SETBP1: variants seen among roughly 807,000 people sequenced by gnomAD.
SETBP1 encodes the protein SET binding protein 1.
Under a neutral mutation model 101.0 loss-of-function variants are expected in SETBP1, and 9 were observed. That is an observed-to-expected ratio of 0.09 (90% confidence interval 0.05 to 0.16). SETBP1 has a LOEUF of 0.16. SETBP1 is among the 10% of genes least tolerant of loss of function. The pLI, the probability that SETBP1 is intolerant of heterozygous loss-of-function variation, is 1.00. For synonymous variants in SETBP1, 818 were observed against 788.5 expected, an observed-to-expected ratio of 1.04 and a Z score of -0.63; for missense variants, 1,858 against 2,033.8, an observed-to-expected ratio of 0.91 and a Z score of 1.66.
chr18:45,043,112 A>C (rs1310566583), intron 5 of SETBP1, among the ~76,000 whole-genome samples: 1 of 152,158 alleles, frequency 6.6e-6, no homozygotes, highest in Non-Finnish European at 1.5e-5. Flanking sequence ...AGCCAGGCTG[A>C]TTTTTCTGAT....
chr18:44,760,408 G>A (rs993191224), intron 2 of SETBP1, among the ~76,000 whole-genome samples: 1 of 152,146 alleles, frequency 6.6e-6, no homozygotes, highest in Non-Finnish European at 1.5e-5. Context: ...TTCTGCCTTG[G>A]TTACCCAAGA....
intron 3 of SETBP1, among the ~76,000 whole-genome samples, chr18:44,925,844 A>G (rs941360660): frequency 6.6e-6 from 1 of 152,238 alleles, no homozygotes; most frequent in Admixed American, 6.5e-5. Flanking sequence ...CGGGTGATCA[A>G]TTCTTTATTA....
chr18:44,753,406 A>G (rs2070429658), intron 2 of SETBP1, among the ~76,000 whole-genome samples: 1 of 152,254 alleles, frequency 6.6e-6, no homozygotes, highest in African/African-American at 2.4e-5. Context: ...TGTCCTAAGC[A>G]TAGGAACTAC....
intron 4 of SETBP1, among the ~76,000 whole-genome samples, chr18:44,984,508 G>T (rs547019142): frequency 6.6e-6 from 1 of 152,150 alleles, no homozygotes; most frequent in Non-Finnish European, 1.5e-5. Context: ...TGCACCTGCC[G>T]CTTAACTCTT....
chr18:44,974,662 C>T (rs1203084223), intron 4 of SETBP1, among the ~76,000 whole-genome samples: 2 of 152,016 alleles, frequency 1.3e-5, no homozygotes, highest in African/African-American at 4.8e-5. Flanking sequence ...AAACAAACCG[C>T]AAATATATAT....
intron 3 of SETBP1, among the ~76,000 whole-genome samples, chr18:44,947,612 T>C (rs1400837554): frequency 1.3e-5 from 2 of 151,838 alleles, no homozygotes; most frequent in African/African-American, 4.8e-5. Flanking sequence ...GTTCAAGTGA[T>C]TCTCCTGCCT....
At chr18:44,926,941 G>T (rs542542196) in intron 3 of SETBP1, among the ~76,000 whole-genome samples, 4 of 152,220 alleles carry the variant, frequency 2.6e-5, no homozygotes, top group African/African-American at 7.2e-5. Flanking sequence ...GGGCTTGCCG[G>T]GTGCCCAGAG....
chr18:44,845,779 A>G (rs1196760938), intron 2 of SETBP1, among the ~76,000 whole-genome samples: 1 of 152,160 alleles, frequency 6.6e-6, no homozygotes, highest in East Asian at 1.9e-4. Flanking sequence ...ACCACTTCTA[A>G]TTAATTACCA....
chr18:44,690,275 A>C (rs897726866), intron 1 of SETBP1, among the ~76,000 whole-genome samples: 3 of 152,216 alleles, frequency 2.0e-5, no homozygotes, highest in African/African-American at 7.2e-5. Context: ...ATCACAGAGA[A>C]AGGGAAGTGG....
In SETBP1 at chr18:45,064,340, T is replaced by A. The variant is rs1206275348; in HGVS notation, c.*642T>A. 6.6e-6 allele frequency: 1 copy of A among 152,310 alleles called. No individual in the cohort carries two copies. Among genetic ancestry groups the A allele is most frequent in the East Asian group, 1.9e-4 (1 of 5,182 alleles). The allele number at this position is 152,310 out of a possible 1,614,324, so 9.4% of individuals were successfully genotyped here. On this transcript the variant is annotated 3_prime_UTR_variant, in exon 6 of 6. Coordinates refer to ENST00000649279, the MANE Select transcript of SETBP1 (RefSeq NM_015559.3). ...GCATTCATGTTCTGTGTGCCTCTTCTATTGCACATACACTGATTTTTAGCA... is the reference window on the plus strand; with the variant it reads ...GCATTCATGTTCTGTGTGCCTCTTCAATTGCACATACACTGATTTTTAGCA...
intron 3 of SETBP1, among the ~76,000 whole-genome samples, chr18:44,928,818 T>G (rs1336419039): frequency 2.0e-5 from 3 of 152,254 alleles, no homozygotes; most frequent in African/African-American, 4.8e-5. Context: ...TCTTTGTAGA[T>G]TCTAGGTATT....
chr18:45,002,265 G>A (rs2145337155), intron 4 of SETBP1, among the ~76,000 whole-genome samples: 1 of 151,934 alleles, frequency 6.6e-6, no homozygotes, highest in Admixed American at 6.6e-5. Context: ...GTGGAAGATG[G>A]TGGAGGGCAA....
chr18:44,764,217 A>G (rs149637350), intron 2 of SETBP1, among the ~76,000 whole-genome samples: 122 of 152,318 alleles, frequency 8.0e-4, no homozygotes, highest in African/African-American at 2.9e-3. Context: ...ACCTTACTGA[A>G]TACTCTAAAC....
At chr18:45,011,909 T>C (rs79476310) in intron 4 of SETBP1, among the ~76,000 whole-genome samples, 1 of 152,314 alleles carries the variant, frequency 6.6e-6, no homozygotes, top group East Asian at 1.9e-4. Flanking sequence ...GTAGCTCTTA[T>C]TGCTGTGGTT....
intron 2 of SETBP1, among the ~76,000 whole-genome samples, chr18:44,830,100 G>A (rs144202546): frequency 1.3e-5 from 2 of 152,198 alleles, no homozygotes; most frequent in Non-Finnish European, 2.9e-5. Context: ...TAAGTTTGGG[G>A]AAAAAAACTA....
At chr18:44,720,873 T>C (rs1177519595) in intron 2 of SETBP1, among the ~76,000 whole-genome samples, 1 of 151,574 alleles carries the variant, frequency 6.6e-6, no homozygotes, top group African/African-American at 2.4e-5. Flanking sequence ...TTTTCCTACG[T>C]GCACTAAGAA....
intron 2 of SETBP1, among the ~76,000 whole-genome samples, chr18:44,728,975 T>TCTA (rs1282110805): frequency 6.6e-6 from 1 of 152,204 alleles, no homozygotes; most frequent in East Asian, 1.9e-4. Flanking sequence ...CAGATAGAGT[T>TCTA]CTAAGCCCTT....
chr18:44,706,727 T>C (rs990513501), intron 2 of SETBP1, among the ~76,000 whole-genome samples: 1 of 151,302 alleles, frequency 6.6e-6, no homozygotes, highest in Non-Finnish European at 1.5e-5. Context: ...CCTGTCTAGA[T>C]TCAACAGCAA....
At position 44,798,963 on chromosome 18, in the gene SETBP1, G is replaced by A. The variant is rs1255646714; in HGVS notation, c.487-70267G>A. Among the ~76,000 whole-genome samples the A allele has an allele frequency of 2.6e-5, 4 of 152,134 alleles. 1 individual carries two copies. In the South Asian group the frequency reaches 6.2e-4, roughly 24 times the overall value. On this transcript the variant is annotated intron_variant, in intron 2 of 5. Transcript: ENST00000649279. The stretch of plus-strand genomic sequence containing the variant: ...TGCCTCCACTGATAGGCAGTGCTAG[G>A]CCTCTGCTGGATTTTTTCCATCCTT...
Sources: gnomAD v4.1 joint callset for allele counts (sites outside exome capture counted in the v4.1 genomes callset) on GRCh38, gnomAD v4.1.1 for gene constraint, MANE v1.5 for transcripts, NCBI Gene and HGNC (gene_info 2026-07-23, HGNC 2026-07-21) for gene names.